MGAT5: variants seen among roughly 807,000 people sequenced by gnomAD.
The protein encoded by MGAT5 is alpha-1,6-mannosylglycoprotein 6-beta-N-acetylglucosaminyltransferase, also known as alpha-1,6-mannosylglycoprotein 6-beta-N-acetylglucosaminyltransferase A.
Under a neutral mutation model 94.3 loss-of-function variants are expected in MGAT5, and 30 were observed. That is an observed-to-expected ratio of 0.32 (90% CI 0.24 to 0.43). MGAT5 has a LOEUF of 0.43. MGAT5 is among the 20% of genes least tolerant of loss of function. The pLI is 1.00. For synonymous variants in MGAT5, 310 were observed against 322.9 expected (o/e 0.96, Z 0.43); for missense variants, 691 against 905.5 (o/e 0.76, Z 3.04).
At chr2:134,221,305 G>T (rs992301278) in intron 1 of MGAT5, among the ~76,000 whole-genome samples, 4 of 152,208 alleles carry the variant, frequency 2.6e-5, no homozygotes, top group Admixed American at 2.0e-4. Flanking sequence ...TCAGAGTGGG[G>T]ACTTCCAGGC....
At chr2:134,387,332 A>ATATATATATATATATATATT in intron 10 of MGAT5, among the ~76,000 whole-genome samples, 6 of 24,254 alleles carry the variant, frequency 2.5e-4, no homozygotes, top group Non-Finnish European at 3.2e-4. Flanking sequence ...ATATATATAT[A>ATATATATATATATATATATT]TTTTTTTTTT....
chr2:134,284,165 T>G (rs1684868870), intron 2 of MGAT5, among the ~76,000 whole-genome samples: 1 of 152,194 alleles, frequency 6.6e-6, no homozygotes, highest in Non-Finnish European at 1.5e-5. Flanking sequence ...TCCAAAATCC[T>G]TGGTGGATGG....
At chr2:134,392,783 A>G (rs1193309442) in intron 10 of MGAT5, among the ~76,000 whole-genome samples, 1 of 152,242 alleles carries the variant, frequency 6.6e-6, no homozygotes, top group Non-Finnish European at 1.5e-5. Flanking sequence ...CTACAACTAG[A>G]GCTTAAAATT....
rs557527239 is a variant in MGAT5, at chr2:134,326,116, G to C, written c.573+7377G>C. Among the ~76,000 whole-genome samples, 86 of 147,094 alleles carry C rather than the reference G, an allele frequency of 5.8e-4. 1 individual carries two copies. The highest frequency in any genetic ancestry group is 1.8e-4 in the Non-Finnish European group (12 of 67,358). On this transcript the variant is annotated intron_variant, in intron 4 of 15. Transcript: ENST00000281923. ...TGCCCAGGTTCATTAATTCATTAAA[G>C]GTACCTTCTTAATATATCAGGAATA...
At chr2:134,399,871 A>G (rs1203702667) in intron 10 of MGAT5, among the ~76,000 whole-genome samples, 3 of 151,986 alleles carry the variant, frequency 2.0e-5, no homozygotes, top group East Asian at 1.9e-4. Context: ...AATGTCTCTT[A>G]CCTCTAACGC....
chr2:134,439,021 A>G (rs745939418), intron 14 of MGAT5, among the ~76,000 whole-genome samples: 9 of 152,274 alleles, frequency 5.9e-5, no homozygotes, highest in Admixed American at 1.3e-4. Flanking sequence ...AAATCCCCTC[A>G]TCATAGGAAC....
At chr2:134,259,413 A>G (rs1683181793) in intron 1 of MGAT5, among the ~76,000 whole-genome samples, 1 of 152,168 alleles carries the variant, frequency 6.6e-6, no homozygotes, top group African/African-American at 2.4e-5. Flanking sequence ...CCTCTTATCT[A>G]ACAGGACAAA....
chr2:134,312,979 C>T (rs975717046), intron 2 of MGAT5, among the ~76,000 whole-genome samples: 2 of 151,732 alleles, frequency 1.3e-5, no homozygotes, highest in African/African-American at 4.9e-5. Flanking sequence ...CCAACTTCTC[C>T]TGCCCTGACT....
intron 1 of MGAT5, among the ~76,000 whole-genome samples, chr2:134,160,711 G>C (rs1239505544): frequency 6.6e-6 from 1 of 152,222 alleles, no homozygotes; most frequent in Non-Finnish European, 1.5e-5. Flanking sequence ...TGCTGTGTAG[G>C]GTTTACATCC....
rs903098216 is a variant in MGAT5 at position 134,453,479 on chromosome 2, T to C, written c.*4632T>C. 1 of 152,232 alleles carries C rather than the reference T, an allele frequency of 6.6e-6. No homozygotes were observed. Among genetic ancestry groups the C allele is most frequent in the African/African-American group, 2.4e-5 (1 of 41,458 alleles). 9.4% of individuals were successfully genotyped at this position (152,232 alleles called of 1,614,324 possible). Reference sequence around the variant, plus strand: ...GAGCTAGAAATTAAAATGGGTTCTCTGGCAGACTGCACCCCTTGAGTCAAA... The same window carrying C: ...GAGCTAGAAATTAAAATGGGTTCTCCGGCAGACTGCACCCCTTGAGTCAAA... On this transcript the variant is annotated 3_prime_UTR_variant, in exon 16 of 16. Coordinates refer to ENST00000281923, the MANE Select transcript of MGAT5 (RefSeq NM_002410.5).
chr2:134,146,259 A>G (rs1686913409), intron 1 of MGAT5, among the ~76,000 whole-genome samples: 1 of 152,168 alleles, frequency 6.6e-6, no homozygotes, highest in Non-Finnish European at 1.5e-5. Context: ...AACATTGAGA[A>G]TGAAAACGTT....
intron 2 of MGAT5, among the ~76,000 whole-genome samples, chr2:134,290,009 G>C (rs1685247303): frequency 6.6e-6 from 1 of 152,168 alleles, no homozygotes; most frequent in Non-Finnish European, 1.5e-5. Context: ...TGAGTGCTAT[G>C]AGTCCTCCTA....
chr2:134,391,265 G>T (rs1330213004), intron 10 of MGAT5, among the ~76,000 whole-genome samples: 1 of 152,114 alleles, frequency 6.6e-6, no homozygotes, highest in Non-Finnish European at 1.5e-5. Flanking sequence ...ACCACTTGGA[G>T]CTCTTCAAAA....
chr2:134,407,509 C>T (rs577961112), intron 11 of MGAT5, among the ~76,000 whole-genome samples: 6 of 152,326 alleles, frequency 3.9e-5, no homozygotes, highest in Admixed American at 2.6e-4. Context: ...AAATACAACA[C>T]GTTCAACTTC....
chr2:134,237,382 G>A (rs1681704026), intron 1 of MGAT5, among the ~76,000 whole-genome samples: 1 of 152,168 alleles, frequency 6.6e-6, no homozygotes, highest in Non-Finnish European at 1.5e-5. Flanking sequence ...GTAAATGTTT[G>A]CAGAATAATC....
intron 10 of MGAT5, among the ~76,000 whole-genome samples, chr2:134,376,092 G>A (rs1461488892): frequency 2.0e-5 from 3 of 152,150 alleles, no homozygotes; most frequent in East Asian, 3.9e-4. Flanking sequence ...GTTTGGCCAG[G>A]CCTCCAGATG....
chr2:134,381,536 C>CAGATAGATAGATAGATAGATAGAT (rs57978433), intron 10 of MGAT5, among the ~76,000 whole-genome samples: 240 of 146,958 alleles, frequency 1.6e-3, no homozygotes, highest in Middle Eastern at 3.5e-3. Flanking sequence ...GACAGACAGA[C>CAGATAGATAGATAGATAGATAGAT]AGATAGATAG....
chr2:134,137,990 GT>G (rs1175229355), intron 1 of MGAT5, among the ~76,000 whole-genome samples: 106 of 139,264 alleles, frequency 7.6e-4, no homozygotes, highest in Middle Eastern at 3.8e-3. Flanking sequence ...AATTAGGCCT[GT>G]TTTTTTTTTT....
chr2:134,172,579 GT>G (rs1298872196), intron 1 of MGAT5, among the ~76,000 whole-genome samples: 2 of 152,078 alleles, frequency 1.3e-5, no homozygotes, highest in East Asian at 1.9e-4. Flanking sequence ...GTAGAGACGG[GT>G]TTTCACCGTG....
Sources: allele counts gnomAD v4.1 joint callset (sites outside exome capture counted in the v4.1 genomes callset), GRCh38; gene constraint gnomAD v4.1.1; transcripts MANE v1.5; gene names NCBI Gene and HGNC (gene_info 2026-07-23, HGNC 2026-07-21).